The following RAB3GAP2 variants were observed in gnomAD, a reference collection of about 807,000 sequenced individuals.
RAB3GAP2 encodes the protein rab3 GTPase-activating protein non-catalytic subunit.
Under a neutral mutation model 185.3 loss-of-function variants are expected in RAB3GAP2, and 87 were observed. That is an observed-to-expected ratio of 0.47 (90% confidence interval 0.39 to 0.56). The LOEUF (loss-of-function observed/expected upper bound fraction) is 0.56, where lower values mean the gene tolerates loss of function less well. Among genes scored for constraint, RAB3GAP2 ranks in the 20% least tolerant of loss-of-function variants. The probability of loss-of-function intolerance (pLI) is 0.00; values close to 1 mark genes in which losing one functional copy is unlikely to be tolerated. For synonymous variants in RAB3GAP2, 554 were observed against 576.1 expected (o/e 0.96, Z 0.55); for missense variants, 1,492 against 1,638.2 (o/e 0.91, Z 1.54).
chr1:220,160,846 T>C (rs551023779), intron 28 of RAB3GAP2, among the ~76,000 whole-genome samples: 1 of 152,322 alleles, frequency 6.6e-6, no homozygotes, highest in Non-Finnish European at 1.5e-5. Context: ...GTGTTCAAAC[T>C]GTGAGCTCTT....
At chr1:220,252,267 T>C (rs1659948060) in intron 1 of RAB3GAP2, among the ~76,000 whole-genome samples, 1 of 151,420 alleles carries the variant, frequency 6.6e-6, no homozygotes, top group Non-Finnish European at 1.5e-5. Flanking sequence ...ATAATTAAAC[T>C]ACAAAGGTTG....
intron 1 of RAB3GAP2, among the ~76,000 whole-genome samples, chr1:220,259,748 T>C (rs971321460): frequency 6.6e-6 from 1 of 152,212 alleles, no homozygotes; most frequent in African/African-American, 2.4e-5. Context: ...AAATGTGATC[T>C]AATTAAACAA....
At chr1:220,256,453 T>A (rs529556856) in intron 1 of RAB3GAP2, among the ~76,000 whole-genome samples, 1 of 151,962 alleles carries the variant, frequency 6.6e-6, no homozygotes, top group South Asian at 2.1e-4. Context: ...TTAAAAGACA[T>A]AGAATGTCAA....
At position 220,157,456 on chromosome 1, in the gene RAB3GAP2, A is replaced by C. The variant is rs749677491; in HGVS notation, c.3369T>G (p.Pro1123=). ...ADVSRDEIQV[P]VLDTEDAWLS... ...GCCACGCATCCTCAGTATCCAGCAC[A>C]GGCACCTGTATTTCATCCCTGCTAA... Residue 1123 remains proline (P), a synonymous_variant, in exon 31 of 35, where the codon CCT becomes CCG. Coordinates refer to ENST00000358951, the MANE Select transcript of RAB3GAP2 (RefSeq NM_012414.4). 10 of 1,613,792 alleles carry C rather than the reference A, an allele frequency of 6.2e-6. No individual in the cohort carries two copies. Among genetic ancestry groups the C allele is most frequent in the Non-Finnish European group, 8.5e-6 (10 of 1,180,024 alleles).
At position 220,272,429 on chromosome 1, in the gene RAB3GAP2, C is replaced by G; in HGVS notation, c.-92G>C. The G allele has an allele frequency of 1.2e-6, 1 of 824,426 alleles. No individual in the cohort carries two copies. The highest frequency in any genetic ancestry group is 2.0e-6 in the Non-Finnish European group (1 of 488,472). The allele number at this position is 824,426 out of a possible 1,614,324, so 51.1% of individuals were successfully genotyped here. A position where few individuals can be genotyped will look rare whatever the true frequency, so the allele number is the denominator to read the frequency against. On this transcript the variant is annotated 5_prime_UTR_variant, in exon 1 of 35. Coordinates refer to ENST00000358951, the MANE Select transcript of RAB3GAP2 (RefSeq NM_012414.4). Reference sequence around the variant, plus strand: ...CGGCCGCCACCGAGCCCCAATAGCTCTAGCCAAGCAGAAGGCGGAGAAACC... The same window carrying G: ...CGGCCGCCACCGAGCCCCAATAGCTGTAGCCAAGCAGAAGGCGGAGAAACC...
At chr1:220,224,879 C>T (rs1659374586) in intron 2 of RAB3GAP2, among the ~76,000 whole-genome samples, 1 of 152,088 alleles carries the variant, frequency 6.6e-6, no homozygotes, top group Non-Finnish European at 1.5e-5. Flanking sequence ...GGCACCAGGT[C>T]CCCCTAGAAG....
At chr1:220,265,301 T>C (rs1159898185) in intron 1 of RAB3GAP2, among the ~76,000 whole-genome samples, 1 of 152,090 alleles carries the variant, frequency 6.6e-6, no homozygotes, top group Non-Finnish European at 1.5e-5. Flanking sequence ...ATGAATTGAT[T>C]ATTTCAACAT....
At chr1:220,154,104 G>A (rs199524170) in intron 31 of RAB3GAP2, 47 bp from the exon 32 acceptor site, 5 of 1,593,396 alleles carry the variant, frequency 3.1e-6, no homozygotes, top group African/African-American at 1.5e-5. Flanking sequence ...GATTATTAAG[G>A]GGGGAGAGGG....
At chr1:220,182,136 A>G (rs1386851082) in intron 21 of RAB3GAP2, 121 bp downstream of exon 21, 2 of 1,512,930 alleles carry the variant, frequency 1.3e-6, no homozygotes, top group African/African-American at 2.8e-5. Flanking sequence ...TCATTTTTAG[A>G]AAGTTTTCAT....
chr1:220,189,774 A>G lies in RAB3GAP2; in HGVS notation c.1715-7T>C. ...ATTTCTGTTTCAACCAAATCTATAA[A>G]GAAAAAAATAATCAAAGTAAAATTT... On this transcript the variant is annotated splice_polypyrimidine_tract_variant and splice_region_variant and intron_variant, in intron 16 of 34. Transcript: ENST00000358951. The G allele has an allele frequency of 1.4e-6, 2 of 1,468,266 alleles. No individual in the cohort carries two copies. Among genetic ancestry groups the G allele is most frequent in the Non-Finnish European group, 1.8e-6 (2 of 1,083,966 alleles). The allele number at this position is 1,468,266 out of a possible 1,614,324, so 91.0% of individuals were successfully genotyped here.
At chr1:220,191,617 G>A (rs1041555656) in intron 13 of RAB3GAP2, among the ~76,000 whole-genome samples, 9 of 151,816 alleles carry the variant, frequency 5.9e-5, no homozygotes, top group Admixed American at 6.6e-5. Flanking sequence ...TCAGGAGTTC[G>A]AGACCAGCCT....
intron 16 of RAB3GAP2, 89 bp from the exon 17 acceptor site, chr1:220,189,856 C>A: frequency 1.7e-6 from 2 of 1,208,806 alleles, no homozygotes; most frequent in Non-Finnish European, 2.3e-6. Context: ...TCTGTACTAT[C>A]AGTGAGTCTA....
chr1:220,158,630 G>A lies in RAB3GAP2; in HGVS notation c.3262-754C>T, dbSNP rs1657903376. On this transcript the variant is annotated intron_variant, in intron 29 of 34. Transcript: ENST00000358951. The surrounding 1 kb of genome is among the most constrained non-coding windows in gnomAD (Gnocchi z 4.3). ...TAGTTTTTCTATTTTTAGTAGAGAT[G>A]GGGTTTCACCTTGTTGGTCAGGCTG... 6.6e-6 allele frequency among the ~76,000 whole-genome samples: 1 copy of A among 151,938 alleles called. No homozygotes were observed. The highest frequency in any genetic ancestry group is 1.5e-5 in the Non-Finnish European group (1 of 68,000).
chr1:220,188,016 G>A (rs1658536761), intron 17 of RAB3GAP2, among the ~76,000 whole-genome samples: 1 of 151,752 alleles, frequency 6.6e-6, no homozygotes, highest in Non-Finnish European at 1.5e-5. Flanking sequence ...GCTATCTCCA[G>A]GTAGATGGTG....
chr1:220,185,218 T>G (rs1213031322), intron 18 of RAB3GAP2, among the ~76,000 whole-genome samples: 1 of 152,104 alleles, frequency 6.6e-6, no homozygotes, highest in Non-Finnish European at 1.5e-5. Context: ...GACGGACTGA[T>G]GGATTTTAAA....
chr1:220,239,883 G>A (rs955013138), intron 1 of RAB3GAP2, among the ~76,000 whole-genome samples: 2 of 151,288 alleles, frequency 1.3e-5, no homozygotes, highest in Admixed American at 6.6e-5. Context: ...AAACCAATTT[G>A]CTCAATTACA....
intron 2 of RAB3GAP2, among the ~76,000 whole-genome samples, chr1:220,224,974 C>A (rs1393647290): frequency 6.6e-6 from 1 of 152,174 alleles, no homozygotes; most frequent in Non-Finnish European, 1.5e-5. Flanking sequence ...CCTTTCCCCA[C>A]ACCACCCAGC....
At chr1:220,221,295 T>C (rs1040813123) in intron 2 of RAB3GAP2, among the ~76,000 whole-genome samples, 4 of 152,250 alleles carry the variant, frequency 2.6e-5, no homozygotes, top group African/African-American at 9.6e-5. Flanking sequence ...GGTGTTAAAG[T>C]AAAAAGGAAG....
intron 1 of RAB3GAP2, chr1:220,267,452 T>C (rs1660249315): frequency 7.2e-7 from 1 of 1,388,594 alleles, no homozygotes. Flanking sequence ...AGAATAAACT[T>C]GCTTTGTTTT....
Sources: allele counts gnomAD v4.1 joint callset (sites outside exome capture counted in the v4.1 genomes callset), GRCh38; gene constraint gnomAD v4.1.1; non-coding constraint Gnocchi (gnomAD v3.1); transcripts MANE v1.5; gene names NCBI Gene and HGNC (gene_info 2026-07-23, HGNC 2026-07-21).